KLRG2: variants seen among roughly 807,000 people sequenced by gnomAD.
KLRG2 encodes the protein killer cell lectin like receptor G2.
In KLRG2, 39 loss-of-function variants were observed where a neutral mutation model predicts 35.4. The observed-to-expected ratio is 1.10, with a 90% CI of 0.85 to 1.44. The LOEUF (loss-of-function observed/expected upper bound fraction) is 1.44, where lower values mean the gene tolerates loss of function less well. KLRG2 is among the 40% of genes most tolerant of loss of function. KLRG2 has a pLI of 0.00. For missense variants in KLRG2, 632 were observed against 570.9 expected (o/e 1.11, Z -1.09); for synonymous variants, 283 against 265.8 (o/e 1.06, Z -0.63).
the KLRG2 span, among the ~76,000 whole-genome samples, chr7:139,433,595 G>A: frequency 6.6e-6 from 1 of 151,214 alleles, no homozygotes; most frequent in East Asian, 1.9e-4. Flanking sequence ...CAAAGTGCTG[G>A]GATTACAGGC....
chr7:139,474,834 T>A (rs1030078111), intron 3 of KLRG2, among the ~76,000 whole-genome samples: 2 of 152,178 alleles, frequency 1.3e-5, no homozygotes, highest in African/African-American at 4.8e-5. Flanking sequence ...ATAACTCCCA[T>A]AGCCCTTGAC....
chr7:139,474,435 C>G (rs1477914335), intron 3 of KLRG2, among the ~76,000 whole-genome samples: 1 of 152,150 alleles, frequency 6.6e-6, no homozygotes, highest in Non-Finnish European at 1.5e-5. Flanking sequence ...ATTATGATAT[C>G]TATGTCTCTA....
At position 139,454,144 on chromosome 7, in the gene KLRG2, T is replaced by A. The variant is rs1796418355; in HGVS notation, c.1076A>T (p.His359Leu). Residue 359 changes from histidine to leucine, a missense_variant, in exon 4 of 5, where the codon CAC becomes CTC. Coordinates refer to ENST00000340940, the MANE Select transcript of KLRG2 (RefSeq NM_198508.4). ...CGGGAGTGGGGCCTCGTCGATCCAGTGCCAGCCCTGGGGGCCTCGCCAGGC... is the reference window on the plus strand; with the variant it reads ...CGGGAGTGGGGCCTCGTCGATCCAGAGCCAGCCCTGGGGGCCTCGCCAGGC... ...VGAWRGPQGW[H>L]WIDEAPLPPQ... 6.5e-7 allele frequency: 1 copy of A among 1,546,342 alleles called. No homozygotes were observed.
chr7:139,482,520 G>A (rs188143774), intron 1 of KLRG2, among the ~76,000 whole-genome samples: 1 of 152,234 alleles, frequency 6.6e-6, no homozygotes, highest in East Asian at 1.9e-4. Context: ...AGCCTCCTGA[G>A]TAGCTGGGAT....
Position 139,478,073 on chromosome 7 carries a change from T to TG in KLRG2, c.1005+1553dup, listed in dbSNP as rs1335004036. ...GTGCCCGGCCCACAATTTTTTTAAA[T>TG]GGGGAAAAAAAAAAGCCAGGCACAG... is the stretch of plus-strand genomic sequence containing the variant. On this transcript the variant is annotated intron_variant, in intron 3 of 4. Transcript: ENST00000340940. Among the ~76,000 whole-genome samples the TG allele has an allele frequency of 7.1e-5, 10 of 140,642 alleles. No homozygotes were observed. In the South Asian group the frequency reaches 7.6e-4, roughly 11 times the overall value. The allele number at this position is 140,642 out of a possible 152,430, so 92.3% of individuals were successfully genotyped here.
chr7:139,444,710 C>T, the KLRG2 span, among the ~76,000 whole-genome samples: 2 of 152,164 alleles, frequency 1.3e-5, no homozygotes, highest in South Asian at 4.1e-4. Context: ...TTACCTTGCA[C>T]CCAGTCTATG....
At chr7:139,480,415 T>C (rs1303182554) in intron 1 of KLRG2, among the ~76,000 whole-genome samples, 168 bp from the exon 2 acceptor site, 1 of 151,654 alleles carries the variant, frequency 6.6e-6, no homozygotes, top group Admixed American at 6.6e-5. Context: ...CAACTTTATA[T>C]TCTGGAGAAA....
chr7:139,468,567 C>T (rs1796705655), intron 3 of KLRG2, among the ~76,000 whole-genome samples: 1 of 152,264 alleles, frequency 6.6e-6, no homozygotes, highest in Admixed American at 6.5e-5. Context: ...TTTTTTCAGA[C>T]TCAGCCCGCC....
At chr7:139,480,350 C>G (rs1292503099) in intron 1 of KLRG2, 103 bp from the exon 2 acceptor site, 1 of 665,434 alleles carries the variant, frequency 1.5e-6, no homozygotes, top group Non-Finnish European at 2.8e-6. Context: ...CCACCTCACC[C>G]CAGCACCCAC....
At chr7:139,461,782 C>T (rs80064251) in intron 3 of KLRG2, among the ~76,000 whole-genome samples, 6 of 152,078 alleles carry the variant, frequency 3.9e-5, no homozygotes, top group East Asian at 3.9e-4. Context: ...GGACTCAGCC[C>T]GCCTGCACCC....
intron 3 of KLRG2, among the ~76,000 whole-genome samples, chr7:139,479,402 C>T (rs1452360507): frequency 6.6e-6 from 1 of 152,148 alleles, no homozygotes; most frequent in African/African-American, 2.4e-5. Flanking sequence ...TTTTTTAAAG[C>T]TGGGCATGGT....
chr7:139,456,610 C>T (rs1027941605), intron 3 of KLRG2, among the ~76,000 whole-genome samples: 6 of 152,178 alleles, frequency 3.9e-5, no homozygotes, highest in African/African-American at 1.4e-4. Context: ...CCTCGGCCTC[C>T]CAAAGTGCTA....
intron 3 of KLRG2, among the ~76,000 whole-genome samples, chr7:139,472,349 G>A (rs1330923488): frequency 6.6e-6 from 1 of 151,948 alleles, no homozygotes; most frequent in African/African-American, 2.4e-5. Flanking sequence ...TCATCCCACT[G>A]GATGCATAGA....
chr7:139,469,598 C>A (rs1027101014), intron 3 of KLRG2, among the ~76,000 whole-genome samples: 1 of 152,032 alleles, frequency 6.6e-6, no homozygotes, highest in African/African-American at 2.4e-5. Flanking sequence ...GCATGCGTCA[C>A]CATGTCCCGC....
the KLRG2 span, among the ~76,000 whole-genome samples, chr7:139,440,275 A>AT: frequency 0.11 from 14,028 of 129,994 alleles, 1,466 homozygotes; most frequent in African/African-American, 0.28. Context: ...ACACCTGGCT[A>AT]TTTTTTTTTT....
chr7:139,463,740 T>C (rs1796607448), intron 3 of KLRG2, among the ~76,000 whole-genome samples: 2 of 152,214 alleles, frequency 1.3e-5, no homozygotes, highest in Non-Finnish European at 2.9e-5. Flanking sequence ...CCTTCCCAGA[T>C]CTTCTTGACT....
chr7:139,434,356 C>T, the KLRG2 span, among the ~76,000 whole-genome samples: 6 of 152,164 alleles, frequency 3.9e-5, no homozygotes, highest in African/African-American at 1.4e-4. Flanking sequence ...CCTTCTCTTA[C>T]TCCCAACCAG....
rs1370665911 is a variant in KLRG2 at position 139,480,202 on chromosome 7, A to T, written c.803T>A (p.Met268Lys). Residue 268 changes from methionine (M) to lysine (K), a missense_variant, in exon 2 of 5, where the codon ATG (methionine) becomes AAG (lysine). By Grantham distance (95) the Met-to-Lys change is moderately conservative. Coordinates refer to ENST00000340940, the MANE Select transcript of KLRG2 (RefSeq NM_198508.4). ...VKSLYWALAF[M>K]AVLLAVSGVV... ...CCCAGAGACTGCCAGGAGCACAGCC[A>T]TGAACGCCAGGGCCCAGTACAGGGA... The T allele has an allele frequency of 6.2e-7, 1 of 1,613,836 alleles. No individual in the cohort carries two copies.
rs1239650794 is a variant in KLRG2 at position 139,454,120 on chromosome 7, G to A, written c.1100C>T (p.Pro367Leu). The change falls in exon 4 of 5, where the codon CCG (proline) becomes CTG (leucine). Residue 367 changes from proline to leucine, a missense_variant. By Grantham distance (98) the Pro-to-Leu change is moderately conservative. Transcript: ENST00000340940. ...GCCCGTGGTCACTCACAGCTGGGGC[G>A]GGAGTGGGGCCTCGTCGATCCAGTG... is the stretch of plus-strand genomic sequence containing the variant. The part of the protein sequence containing the change: ...GWHWIDEAPL[P>L]PQLLPEDGED... 6.5e-6 allele frequency: 10 copies of A among 1,533,722 alleles called. No individual in the cohort carries two copies. The highest frequency in any genetic ancestry group is 1.2e-5 in the South Asian group (1 of 83,648).
Sources: gnomAD v4.1 joint callset for allele counts (sites outside exome capture counted in the v4.1 genomes callset) on GRCh38, gnomAD v4.1.1 for gene constraint, MANE v1.5 for transcripts, NCBI Gene and HGNC (gene_info 2026-07-23, HGNC 2026-07-21) for gene names.